The following RIPOR2 variants were observed in gnomAD, a reference collection of about 807,000 sequenced individuals.
RIPOR2 encodes the protein rho family-interacting cell polarization regulator 2.
A neutral mutation model predicts 114.5 loss-of-function variants in RIPOR2; 39 were observed. The ratio of observed to expected loss-of-function variants is 0.34; its 90% CI spans 0.26 to 0.44. The LOEUF (loss-of-function observed/expected upper bound fraction) is 0.44, where lower values mean the gene tolerates loss of function less well. Among genes scored for constraint, RIPOR2 ranks in the 20% least tolerant of loss-of-function variants. The pLI, the probability that RIPOR2 is intolerant of heterozygous loss-of-function variation, is 1.00. For missense variants in RIPOR2, 1,007 were observed against 1,255.1 expected (o/e 0.80, Z 2.99); for synonymous variants, 445 against 484.4 (o/e 0.92, Z 1.07).
Position 24,850,927 on chromosome 6 carries a change from G to A in RIPOR2, c.760-205C>T, listed in dbSNP as rs368649095. Among the ~76,000 whole-genome samples the A allele has an allele frequency of 4.2e-4, 62 of 149,130 alleles. 1 individual carries two copies. The South Asian group carries it at 8.9e-3, about 21-fold the overall frequency. ...TTTTTTTTTTTTGAGTTGGAGTCTC[G>A]CTCTGTCACTCAGGCTGGAGTGCAA... On this transcript the variant is annotated intron_variant, in intron 9 of 21. Transcript: ENST00000643898.
At chr6:24,941,410 G>C (rs1255149467) in intron 1 of RIPOR2, among the ~76,000 whole-genome samples, 1 of 151,958 alleles carries the variant, frequency 6.6e-6, no homozygotes, top group South Asian at 2.1e-4. Context: ...ACTGGTTCTG[G>C]GATTTGACAG....
intron 17 of RIPOR2, among the ~76,000 whole-genome samples, chr6:24,829,335 TA>T (rs1760465253): frequency 6.6e-6 from 1 of 151,374 alleles, no homozygotes; most frequent in South Asian, 2.1e-4. Flanking sequence ...ATTAATTAAT[TA>T]AAAAAAATTG....
chr6:24,806,896 A>G (rs1780806970), intron 21 of RIPOR2, among the ~76,000 whole-genome samples: 1 of 152,228 alleles, frequency 6.6e-6, no homozygotes, highest in African/African-American at 2.4e-5. Flanking sequence ...ATATGTGGTA[A>G]AATCAATCTT....
At position 24,843,358 on chromosome 6, in the gene RIPOR2, T is replaced by C. The variant is rs562003161; in HGVS notation, c.1361A>G (p.Asn454Ser). Residue 454 changes from asparagine to serine, a missense_variant, in exon 13 of 22, where the codon AAT (asparagine) becomes AGT (serine). Asn to Ser is a conservative substitution (Grantham distance 46). Coordinates refer to ENST00000643898, the MANE Select transcript of RIPOR2 (RefSeq NM_001286445.3). ...EFNLSSLASQ[N>S]EGMDDTSSAS... Reference sequence around the variant, plus strand: ...TGAGCTGGTGTCATCCATACCCTCATTCTGGGAGGCCAAGCTGCTGAGGTT... The same window carrying C: ...TGAGCTGGTGTCATCCATACCCTCACTCTGGGAGGCCAAGCTGCTGAGGTT... 41 of 1,613,898 alleles carry C rather than the reference T, an allele frequency of 2.5e-5. 1 individual carries two copies. In the African/African-American group the frequency reaches 3.1e-4, roughly 12 times the overall value.
intron 12 of RIPOR2, chr6:24,847,556 C>CGGCCTT: frequency 6.4e-7 from 1 of 1,551,598 alleles, no homozygotes; most frequent in Non-Finnish European, 8.7e-7. Flanking sequence ...AGCTCTAGCA[C>CGGCCTT]GGCCTTGGGA....
At chr6:24,976,615 A>G in intron 1 of RIPOR2, 1 of 1,609,318 alleles carries the variant, frequency 6.2e-7, no homozygotes, top group East Asian at 2.2e-5. Context: ...CACTGGAGAG[A>G]AAGGATTTGG....
intron 1 of RIPOR2, among the ~76,000 whole-genome samples, chr6:25,013,524 G>A (rs1356422691): frequency 1.3e-5 from 2 of 152,218 alleles, no homozygotes; most frequent in Non-Finnish European, 2.9e-5. Context: ...AGGGAGGTGA[G>A]CCCACCTTCA....
intron 1 of RIPOR2, among the ~76,000 whole-genome samples, chr6:24,984,198 G>A (rs1382121815): frequency 5.9e-5 from 9 of 152,240 alleles, no homozygotes; most frequent in Admixed American, 4.6e-4. Context: ...TCCGTGTGAA[G>A]AGACCACCAA....
chr6:24,996,945 T>C (rs933709722), intron 1 of RIPOR2, among the ~76,000 whole-genome samples: 6 of 152,214 alleles, frequency 3.9e-5, no homozygotes, highest in African/African-American at 1.4e-4. Flanking sequence ...ATTAATGACA[T>C]TTTATGGGTC....
chr6:24,877,507 A>G (rs1040479253), intron 1 of RIPOR2: 8 of 201,132 alleles, frequency 4.0e-5, no homozygotes, highest in African/African-American at 1.9e-4. Context: ...AGTACGTATG[A>G]GCAGTAAAAG....
At chr6:24,867,905 A>G (rs991950044) in intron 6 of RIPOR2, among the ~76,000 whole-genome samples, 4 of 152,218 alleles carry the variant, frequency 2.6e-5, no homozygotes, top group African/African-American at 7.2e-5. Context: ...CTGACCTTTG[A>G]AAACCATTGG....
chr6:24,847,581 G>A (rs1369440625), intron 12 of RIPOR2: 4 of 1,551,704 alleles, frequency 2.6e-6, no homozygotes, highest in Admixed American at 2.0e-5. Context: ...GCCTGAGGGA[G>A]GGCAGGTCAC....
At chr6:24,817,546 C>T (rs1781312974) in intron 20 of RIPOR2, among the ~76,000 whole-genome samples, 1 of 36,920 alleles carries the variant, frequency 2.7e-5, no homozygotes, top group African/African-American at 4.9e-5. Flanking sequence ...GGCTCGCACA[C>T]GGTGCGCACA....
chr6:24,883,208 C>T lies in RIPOR2; in HGVS notation c.62-7391G>A, dbSNP rs150714894. Among the ~76,000 whole-genome samples the T allele has an allele frequency of 1.4e-4, 22 of 152,318 alleles. No homozygotes were observed. Among genetic ancestry groups the T allele is most frequent in the Middle Eastern group, 3.4e-3 (1 of 294 alleles). ...CCTTACTGATAGAAAATATGAGACA[C>T]ATCTGTGATTTCTGAATGACATGAG... On this transcript the variant is annotated intron_variant, in intron 1 of 21. Transcript: ENST00000643898. The surrounding 1 kb of genome is among the most constrained non-coding windows in gnomAD (Gnocchi z 4.1).
intron 1 of RIPOR2, among the ~76,000 whole-genome samples, chr6:24,879,512 T>C (rs1409294018): frequency 6.6e-6 from 1 of 152,212 alleles, no homozygotes; most frequent in African/African-American, 2.4e-5. Flanking sequence ...CTGAGATCTC[T>C]CTATCTTGCC....
chr6:25,039,182 C>T (rs1777370851), intron 1 of RIPOR2, among the ~76,000 whole-genome samples: 1 of 152,250 alleles, frequency 6.6e-6, no homozygotes, highest in African/African-American at 2.4e-5. Flanking sequence ...GTTATCAAAG[C>T]AGATTTTAGC....
intron 1 of RIPOR2, among the ~76,000 whole-genome samples, chr6:25,034,092 T>TTATATATA (rs3056859): frequency 2.7e-5 from 4 of 149,518 alleles, no homozygotes; most frequent in African/African-American, 9.8e-5. Context: ...CAAAAAGGTT[T>TTATATATA]TATATATATA....
intron 15 of RIPOR2, among the ~76,000 whole-genome samples, chr6:24,833,466 A>G (rs552175964): frequency 3.6e-4 from 55 of 152,212 alleles, no homozygotes; most frequent in Non-Finnish European, 7.1e-4. Context: ...GTGCCACTGC[A>G]CTCCATCCTG....
chr6:24,824,941 C>T lies in RIPOR2; in HGVS notation c.2868+285G>A, dbSNP rs976249030. 2.0e-5 allele frequency among the ~76,000 whole-genome samples: 3 copies of T among 151,950 alleles called. No homozygotes were observed. The East Asian group carries it at 5.8e-4, about 29-fold the overall frequency. On this transcript the variant is annotated intron_variant, in intron 19 of 21. Coordinates refer to ENST00000643898, the MANE Select transcript of RIPOR2 (RefSeq NM_001286445.3). ...CCATGATATATTACATTTAAAAATCCATTATGAAATAGGATAGTGTGATCT... is the reference window on the plus strand; with the variant it reads ...CCATGATATATTACATTTAAAAATCTATTATGAAATAGGATAGTGTGATCT...
Sources: gnomAD v4.1 joint callset for allele counts (sites outside exome capture counted in the v4.1 genomes callset) on GRCh38, gnomAD v4.1.1 for gene constraint, Gnocchi (gnomAD v3.1) non-coding constraint, MANE v1.5 for transcripts, NCBI Gene and HGNC (gene_info 2026-07-23, HGNC 2026-07-21) for gene names.